Variants in IQCB1 observed in about 807,000 individuals in gnomAD.
The protein encoded by IQCB1 is IQ motif containing B1.
Under a neutral mutation model 84.4 loss-of-function variants are expected in IQCB1, and 56 were observed. That is an observed-to-expected ratio of 0.66 (90% CI 0.54 to 0.83). IQCB1 has a LOEUF of 0.83. IQCB1 is among the 40% of genes least tolerant of loss of function. The pLI is 0.00. For missense variants in IQCB1, 629 were observed against 682.1 expected (o/e 0.92, Z 0.87); for synonymous variants, 210 against 234.8 (o/e 0.89, Z 0.96).
Position 121,772,671 on chromosome 3 carries a change from G to A in IQCB1, c.1453C>T (p.Gln485Ter). The stretch of plus-strand genomic sequence containing the variant: ...TAGTGTTGCAGTCGTTCTTGAGCTT[G>A]GGCATGGAGCTCCCTACTGACCACA... ...SDVVSRELHA[Q>*]AQERLQHYFM... The change falls in exon 14 of 15, where the codon CAA becomes TAA. Residue 485 changes from glutamine to a stop codon, truncating the protein, a stop_gained. Coordinates refer to ENST00000310864, the MANE Select transcript of IQCB1 (RefSeq NM_001023570.4). LOFTEE classifies it high-confidence loss of function. The A allele has an allele frequency of 1.9e-6, 3 of 1,614,154 alleles. No individual in the cohort carries two copies. Among genetic ancestry groups the A allele is most frequent in the Non-Finnish European group, 1.7e-6 (2 of 1,180,022 alleles).
At chr3:121,812,187 G>C (rs1949856219) in intron 5 of IQCB1, among the ~76,000 whole-genome samples, 1 of 152,184 alleles carries the variant, frequency 6.6e-6, no homozygotes. Flanking sequence ...AGAGGGACCT[G>C]TTAGAAGGAA....
chr3:121,822,685 A>C (rs115834432), intron 5 of IQCB1, among the ~76,000 whole-genome samples: 3,931 of 152,252 alleles, frequency 0.026, 82 homozygotes, highest in South Asian at 0.063. Context: ...TTCCATTTAA[A>C]CCACAGAAGG....
At chr3:121,805,740 C>T (rs923579729) in intron 7 of IQCB1, among the ~76,000 whole-genome samples, 1 of 152,084 alleles carries the variant, frequency 6.6e-6, no homozygotes, top group Non-Finnish European at 1.5e-5. Flanking sequence ...TCCTTTTAAT[C>T]CTTTTGGATT....
At chr3:121,776,381 G>A (rs1948228407) in intron 13 of IQCB1, among the ~76,000 whole-genome samples, 1 of 152,106 alleles carries the variant, frequency 6.6e-6, no homozygotes, top group Non-Finnish European at 1.5e-5. Context: ...GGAGTAGAAT[G>A]GCTGAATCAT....
chr3:121,775,600 T>C (rs1461833060), intron 13 of IQCB1, among the ~76,000 whole-genome samples: 1 of 152,204 alleles, frequency 6.6e-6, no homozygotes. Flanking sequence ...TCTGCACATG[T>C]ATCCCAGAAC....
chr3:121,779,361 G>GT (rs2108519876), intron 13 of IQCB1, among the ~76,000 whole-genome samples: 1 of 152,148 alleles, frequency 6.6e-6, no homozygotes, highest in Non-Finnish European at 1.5e-5. Context: ...ATTTTGTACA[G>GT]TATCTACTAG....
At chr3:121,786,669 G>A (rs890195233) in intron 12 of IQCB1, among the ~76,000 whole-genome samples, 6 of 152,108 alleles carry the variant, frequency 3.9e-5, no homozygotes, top group Admixed American at 2.0e-4. Context: ...GGAGATATGA[G>A]GCAAATGTGA....
intron 6 of IQCB1, 129 bp from the exon 7 acceptor site, chr3:121,807,572 C>T (rs540679986): frequency 1.3e-4 from 75 of 584,686 alleles, no homozygotes; most frequent in African/African-American, 1.0e-3. Flanking sequence ...GTAGACTCTA[C>T]GATAAAGAAG....
intron 5 of IQCB1, among the ~76,000 whole-genome samples, chr3:121,819,835 T>TATATAATAATATAAAA (rs1950212897): frequency 6.6e-6 from 1 of 152,056 alleles, no homozygotes; most frequent in Non-Finnish European, 1.5e-5. Context: ...TAAAAAGAAA[T>TATATAATAATATAAAA]AGGTAAAACA....
Position 121,770,357 on chromosome 3 carries a change from G to T in IQCB1, c.1785C>A (p.Thr595=), listed in dbSNP as rs777437002. ...TTAGGGTTACTCACTAAGGTGGTTTGGTTCCACCAATGAATAAATTTTCTA... is the reference window on the plus strand; with the variant it reads ...TTAGGGTTACTCACTAAGGTGGTTTTGTTCCACCAATGAATAAATTTTCTA... The part of the protein sequence containing the change: ...IELENLFIGG[T]KPP The change falls in exon 15 of 15, where the codon ACC becomes ACA. Residue 595 remains threonine, a synonymous_variant. Transcript: ENST00000310864. 2.5e-6 allele frequency: 4 copies of T among 1,606,210 alleles called. No individual in the cohort carries two copies. In the East Asian group the frequency reaches 8.9e-5, roughly 36 times the overall value.
intron 14 of IQCB1, among the ~76,000 whole-genome samples, chr3:121,770,833 C>A (rs1034504160): frequency 6.6e-6 from 1 of 152,098 alleles, no homozygotes; most frequent in African/African-American, 2.4e-5. Context: ...TGCCACCACA[C>A]CCAGCTAATG....
At chr3:121,813,310 G>A (rs980628834) in intron 5 of IQCB1, among the ~76,000 whole-genome samples, 1 of 152,180 alleles carries the variant, frequency 6.6e-6, no homozygotes, top group African/African-American at 2.4e-5. Flanking sequence ...ACCAACCACT[G>A]CAAAAGCATA....
intron 7 of IQCB1, among the ~76,000 whole-genome samples, chr3:121,805,641 T>G (rs1949575090): frequency 6.6e-6 from 1 of 152,192 alleles, no homozygotes; most frequent in Non-Finnish European, 1.5e-5. Context: ...CTGAACACTC[T>G]ACCCAATGAC....
intron 11 of IQCB1, among the ~76,000 whole-genome samples, chr3:121,788,736 T>C (rs550156747): frequency 6.6e-6 from 1 of 152,034 alleles, no homozygotes; most frequent in African/African-American, 2.4e-5. Context: ...AGTACATGAT[T>C]AAGAAGTCAT....
chr3:121,800,418 A>T (rs1297927471), intron 7 of IQCB1, among the ~76,000 whole-genome samples: 2 of 151,964 alleles, frequency 1.3e-5, no homozygotes, highest in Non-Finnish European at 2.9e-5. Context: ...GTTAAGAGAA[A>T]AGAGATCAGC....
At chr3:121,770,849 T>A (rs958760063) in intron 14 of IQCB1, among the ~76,000 whole-genome samples, 23 of 152,128 alleles carry the variant, frequency 1.5e-4, no homozygotes, top group Admixed American at 6.5e-5. Context: ...TAATGTTTTT[T>A]CTTTTTTTGT....
intron 13 of IQCB1, among the ~76,000 whole-genome samples, chr3:121,779,031 G>A (rs1948366391): frequency 6.6e-6 from 1 of 151,752 alleles, no homozygotes; most frequent in Admixed American, 6.6e-5. Context: ...TAACAAACAT[G>A]CACCTTGTGC....
intron 12 of IQCB1, among the ~76,000 whole-genome samples, chr3:121,784,710 CTCACTCTG>C (rs1948637986): frequency 6.6e-6 from 1 of 152,154 alleles, no homozygotes; most frequent in African/African-American, 2.4e-5. Context: ...AAGACAGGGT[CTCACTCTG>C]TCACCCTGGC....
chr3:121,795,678 A>T (rs1949159626), intron 9 of IQCB1, 112 bp from the exon 10 acceptor site: 2 of 698,726 alleles, frequency 2.9e-6, no homozygotes, highest in Non-Finnish European at 5.2e-6. Flanking sequence ...TAGCTCTAAC[A>T]AGATGGGTAA....
Sources: allele counts gnomAD v4.1 joint callset (sites outside exome capture counted in the v4.1 genomes callset), GRCh38; gene constraint gnomAD v4.1.1; transcripts MANE v1.5; gene names NCBI Gene and HGNC (gene_info 2026-07-23, HGNC 2026-07-21).